The following SCN10A variants were observed in gnomAD, a reference collection of about 807,000 sequenced individuals.
The protein encoded by SCN10A is sodium voltage-gated channel alpha subunit 10, also known as sodium channel protein type 10 subunit alpha.
In SCN10A, 162 loss-of-function variants were observed where a neutral mutation model predicts 170.7. The ratio of observed to expected loss-of-function variants is 0.95; its 90% CI spans 0.84 to 1.08. The LOEUF is 1.08. Among genes scored for constraint, SCN10A ranks in the 50% least tolerant of loss-of-function variants. The pLI is 0.00. For missense variants in SCN10A, 2,527 were observed against 2,436.9 expected, an observed-to-expected ratio of 1.04 and a Z score of -0.78; for synonymous variants, 985 against 904.6, an observed-to-expected ratio of 1.09 and a Z score of -1.59.
chr3:38,760,296 G>C (rs2063854125), intron 8 of SCN10A, among the ~76,000 whole-genome samples: 1 of 152,240 alleles, frequency 6.6e-6, no homozygotes, highest in Non-Finnish European at 1.5e-5. Context: ...AGGCTAACCT[G>C]TTTGGGGGTG....
Position 38,696,970 on chromosome 3 carries a change from AC to A in SCN10A, c.*378del. The A allele has an allele frequency of 3.7e-6, 1 of 270,756 alleles. No individual in the cohort carries two copies. Among genetic ancestry groups the A allele is most frequent in the South Asian group, 5.4e-5 (1 of 18,642 alleles). 16.8% of individuals were successfully genotyped at this position (270,756 alleles called of 1,614,324 possible). A position where few individuals can be genotyped will look rare whatever the true frequency, so the allele number is the denominator to read the frequency against. ...TCTGTATGGTGCTCCACAGAGGACT[AC>A]CTTGGACCTTCAGTAATGTTCTTGT... is the stretch of plus-strand genomic sequence containing the variant. On this transcript the variant is annotated 3_prime_UTR_variant, in exon 28 of 28. Transcript: ENST00000449082.
rs578129064 is a variant in SCN10A at position 38,774,937 on chromosome 3, C to T, written c.471-3530G>A. Among the ~76,000 whole-genome samples the T allele has an allele frequency of 3.9e-5, 6 of 152,238 alleles. No homozygotes were observed. In the East Asian group the frequency reaches 5.8e-4, roughly 15 times the overall value. On this transcript the variant is annotated intron_variant, in intron 4 of 27. Coordinates refer to ENST00000449082, the MANE Select transcript of SCN10A (RefSeq NM_006514.4). The stretch of plus-strand genomic sequence containing the variant: ...ATATTACAGACCCCCAGCTGCGTTC[C>T]GTGAATAAGGTATGCACTAGCATTG...
rs1005903682 is a variant in SCN10A at position 38,763,616 on chromosome 3, T to A, written c.600-20A>T. On this transcript the variant is annotated intron_variant, in intron 5 of 27. Coordinates refer to ENST00000449082, the MANE Select transcript of SCN10A (RefSeq NM_006514.4). ...ACATATCTGTAGGACCAGAAGTTAG[T>A]CAGCATCTCTGCAAGCAAGGGTCCT... 1.9e-6 allele frequency: 3 copies of A among 1,589,608 alleles called. No homozygotes were observed. In the African/African-American group the frequency reaches 4.0e-5, roughly 21 times the overall value.
Position 38,697,332 on chromosome 3 carries a change from A to T in SCN10A, c.*17T>A, listed in dbSNP as rs369449920. The stretch of plus-strand genomic sequence containing the variant: ...GGACGCATCATAACTGAACATATCC[A>T]GGCTGGAGTGTTCTCACTAGGGCCC... On this transcript the variant is annotated 3_prime_UTR_variant, in exon 28 of 28. Coordinates refer to ENST00000449082, the MANE Select transcript of SCN10A (RefSeq NM_006514.4). 1.9e-6 allele frequency: 3 copies of T among 1,611,088 alleles called. No homozygotes were observed. Among genetic ancestry groups the T allele is most frequent in the East Asian group, 2.2e-5 (1 of 44,824 alleles).
chr3:38,772,587 G>A (rs1300710863), intron 4 of SCN10A, among the ~76,000 whole-genome samples: 1 of 152,118 alleles, frequency 6.6e-6, no homozygotes, highest in African/African-American at 2.4e-5. Context: ...TACTCCGGAG[G>A]CTGAGGCGGG....
chr3:38,728,500 T>C (rs2063479939), intron 16 of SCN10A, 42 bp downstream of exon 16: 2 of 1,509,818 alleles, frequency 1.3e-6, no homozygotes, highest in Admixed American at 2.2e-5. Context: ...AGCCTTCTCC[T>C]TTCCCCAGGA....
rs1027610429 is a variant in SCN10A, at chr3:38,698,087, G to A, written c.5133C>T (p.Leu1711=). 2 of 1,614,186 alleles carry A rather than the reference G, an allele frequency of 1.2e-6. No individual in the cohort carries two copies. The highest frequency in any genetic ancestry group is 8.5e-7 in the Non-Finnish European group (1 of 1,180,020). The change falls in exon 28 of 28, where the codon CTC becomes CTT. Residue 1711 remains leucine (L), a synonymous_variant. Transcript: ENST00000449082. ...FFTTYIIISF[L]IMVNMYIAVI... ...CTGCAATGTACATGTTGACCATGAT[G>A]AGGAAGGAGATGATGATGTAGGTGG...
rs759842238 is a variant in SCN10A, at chr3:38,718,784, C to G, written c.3550G>C (p.Ala1184Pro). ...YYLDQKPTVKALLEYTDRVFT... is the reference protein window; with the variant it reads ...YYLDQKPTVKPLLEYTDRVFT... ...ACCCTGTCAGTGTACTCCAGCAAAG[C>G]TTTCACCGTGGGCTTCTGGTCCAGG... The change falls in exon 21 of 28, where the codon GCT becomes CCT. Residue 1184 changes from alanine (A) to proline (P), a missense_variant. Ala to Pro is a conservative substitution (Grantham distance 27). Coordinates refer to ENST00000449082, the MANE Select transcript of SCN10A (RefSeq NM_006514.4). The G allele has an allele frequency of 1.2e-6, 2 of 1,614,244 alleles. No homozygotes were observed. Among genetic ancestry groups the G allele is most frequent in the East Asian group, 2.2e-5 (1 of 44,892 alleles).
chr3:38,752,468 G>A lies in SCN10A; in HGVS notation c.1506C>T (p.Gly502=), dbSNP rs1283990870. Residue 502 remains glycine (G), a synonymous_variant, in exon 12 of 28, where the codon GGC becomes GGT. Coordinates refer to ENST00000449082, the MANE Select transcript of SCN10A (RefSeq NM_006514.4). The part of the protein sequence containing the change: ...LASGKRRASH[G]SVFHFRSPGR... ...CAGGGGACCGGAAATGGAACACACT[G>A]CCATGACTAGCCCGGCGTTTTCCAG... is the stretch of plus-strand genomic sequence containing the variant. 3.1e-6 allele frequency: 5 copies of A among 1,608,832 alleles called. No individual in the cohort carries two copies. In the South Asian group the frequency reaches 3.3e-5, roughly 11 times the overall value.
intron 5 of SCN10A, among the ~76,000 whole-genome samples, chr3:38,765,498 T>C (rs2063922027): frequency 6.6e-6 from 1 of 152,178 alleles, no homozygotes; most frequent in Non-Finnish European, 1.5e-5. Context: ...TTTTGTTTGC[T>C]TTTTCAAAGA....
At position 38,698,422 on chromosome 3, in the gene SCN10A, G is replaced by A. The variant is rs201461161; in HGVS notation, c.4798C>T (p.Leu1600Phe). ...AAGAGGGCAGGCAGGGACATCATGA[G>A]GGCAAAGAGCAGTGTGCGGATCCCC... ...AKGIRTLLFA[L>F]MMSLPALFNI... Residue 1600 changes from leucine (L) to phenylalanine (F), a missense_variant, in exon 28 of 28, where the codon CTC (leucine) becomes TTC (phenylalanine). Transcript: ENST00000449082. 6.8e-5 allele frequency: 110 copies of A among 1,614,192 alleles called. 3 individuals carry two copies. In the South Asian group the frequency reaches 1.1e-3, roughly 16 times the overall value.
rs540928678 is a variant in SCN10A, at chr3:38,722,262, G to A, written c.3503C>T (p.Ser1168Phe). Residue 1168 changes from serine (S) to phenylalanine (F), a missense_variant, in exon 20 of 28, where the codon TCT becomes TTT. Coordinates refer to ENST00000449082, the MANE Select transcript of SCN10A (RefSeq NM_006514.4). ...AGGGACTATGCCTCCCCTTACCAGA[G>A]ATCCACTGCTGAGCAGGATCATGAA... is the stretch of plus-strand genomic sequence containing the variant. ...IIFMILLSSG[S>F]LAFEDYYLDQ... The A allele has an allele frequency of 8.1e-6, 13 of 1,613,620 alleles. No individual in the cohort carries two copies. In the South Asian group the frequency reaches 1.3e-4, roughly 16 times the overall value.
At chr3:38,748,304 A>C (rs562083952) in intron 13 of SCN10A, among the ~76,000 whole-genome samples, 1 of 152,334 alleles carries the variant, frequency 6.6e-6, no homozygotes, top group African/African-American at 2.4e-5. Context: ...ATATTAAATA[A>C]TTATCAATGA....
At chr3:38,810,596 T>C (rs912146918) in intron 1 of SCN10A, among the ~76,000 whole-genome samples, 2 of 152,248 alleles carry the variant, frequency 1.3e-5, no homozygotes, top group Non-Finnish European at 2.9e-5. Flanking sequence ...TTTATTTCTT[T>C]CCTGGCACTT....
At position 38,742,297 on chromosome 3, in the gene SCN10A, G is replaced by C; in HGVS notation, c.2100C>G (p.Gly700=). The C allele has an allele frequency of 6.3e-7, 1 of 1,576,368 alleles. No individual in the cohort carries two copies. The highest frequency in any genetic ancestry group is 8.6e-7 in the Non-Finnish European group (1 of 1,156,954). The change falls in exon 14 of 28, where the codon GGC becomes GGG. Residue 700 remains glycine, a synonymous_variant. Transcript: ENST00000449082. The part of the protein sequence containing the change: ...SPTFEAMLQI[G]NIVFTIFFTA... ...TACCAGCCAGAGCACTCACGATGTTGCCTATCTGGAGCATGGCTTCGAAGG... is the reference window on the plus strand; with the variant it reads ...TACCAGCCAGAGCACTCACGATGTTCCCTATCTGGAGCATGGCTTCGAAGG...
intron 3 of SCN10A, among the ~76,000 whole-genome samples, chr3:38,790,806 G>C (rs2064271734): frequency 1.3e-5 from 2 of 152,086 alleles, no homozygotes; most frequent in African/African-American, 4.8e-5. Context: ...CTACTTCAGA[G>C]GCTTTTGAAC....
At chr3:38,723,338 T>C (rs2063414873) in intron 19 of SCN10A, 92 bp downstream of exon 19, 10 of 1,504,252 alleles carry the variant, frequency 6.6e-6, no homozygotes, top group Non-Finnish European at 5.5e-6. Flanking sequence ...CACAGCTTGT[T>C]TGTCTTCTGT....
rs762783481 is a variant in SCN10A at position 38,752,382 on chromosome 3, T to A, written c.1592A>T (p.Glu531Val). 6.2e-7 allele frequency: 1 copy of A among 1,614,024 alleles called. No homozygotes were observed. Among genetic ancestry groups the A allele is most frequent in the Non-Finnish European group, 8.5e-7 (1 of 1,179,972 alleles). Reference sequence around the variant, plus strand: ...CAGCAGCAGAGAGCCCCGATGGCTTTCGTGGTCTCCAGGAAAGACTCCATC... The same window carrying A: ...CAGCAGCAGAGAGCCCCGATGGCTTACGTGGTCTCCAGGAAAGACTCCATC... The part of the protein sequence containing the change: ...TDDGVFPGDH[E>V]SHRGSLLLGG... The change falls in exon 12 of 28, where the codon GAA (glutamate) becomes GTA (valine). Residue 531 changes from glutamate to valine, a missense_variant. Physicochemically the swap from Glu to Val is moderately radical, Grantham distance 121. Transcript: ENST00000449082.
intron 11 of SCN10A, among the ~76,000 whole-genome samples, chr3:38,755,156 T>A (rs2063789730): frequency 6.6e-6 from 1 of 151,738 alleles, no homozygotes; most frequent in Admixed American, 6.6e-5. Context: ...ACTTTTCTGA[T>A]AACAACAGGT....
Sources: allele counts gnomAD v4.1 joint callset (sites outside exome capture counted in the v4.1 genomes callset), GRCh38; gene constraint gnomAD v4.1.1; transcripts MANE v1.5; gene names NCBI Gene and HGNC (gene_info 2026-07-23, HGNC 2026-07-21).